Variants in ZNF90 observed in about 807,000 individuals in gnomAD.
ZNF90 encodes the protein zinc finger protein 90.
ZNF90 carries 11 observed loss-of-function variants against 12.0 expected under a neutral mutation model. The observed-to-expected ratio is 0.92, with a 90% CI of 0.58 to 1.52. The LOEUF (loss-of-function observed/expected upper bound fraction) is 1.52. ZNF90 is among the 40% of genes most tolerant of loss of function. ZNF90 has a pLI of 0.00. For missense variants in ZNF90, 765 were observed against 711.5 expected, an observed-to-expected ratio of 1.08 and a Z score of -0.86; for synonymous variants, 232 against 240.1, an observed-to-expected ratio of 0.97 and a Z score of 0.31.
chr19:20,087,134 C>T (rs978671196), intron 1 of ZNF90: 6 of 151,780 alleles, frequency 4.0e-5, no homozygotes, highest in Non-Finnish European at 7.4e-5. Flanking sequence ...TTAAGATCTG[C>T]CTCCTTCATA....
At chr19:20,099,169 A>T (rs2088970554) in intron 1 of ZNF90, among the ~76,000 whole-genome samples, 1 of 152,008 alleles carries the variant, frequency 6.6e-6, no homozygotes, top group Admixed American at 6.6e-5. Context: ...AACAGAAGAA[A>T]TATTATTATG....
At position 20,087,479 on chromosome 19, in the gene ZNF90, G is replaced by A. The variant is rs2088867975; in HGVS notation, c.3+9344G>A. 4 of 152,162 alleles carry A rather than the reference G, an allele frequency of 2.6e-5. No individual in the cohort carries two copies. The South Asian group carries it at 8.3e-4, about 32-fold the overall frequency. The allele number at this position is 152,162 out of a possible 1,614,324, so 9.4% of individuals were successfully genotyped here. On this transcript the variant is annotated intron_variant, in intron 1 of 3. Transcript: ENST00000418063. Reference sequence around the variant, plus strand: ...TCCTTGTCACCATTATAAGTAGAAAGGAGTTGAAACACTGCTCCCATTTCC... The same window carrying A: ...TCCTTGTCACCATTATAAGTAGAAAAGAGTTGAAACACTGCTCCCATTTCC...
intron 1 of ZNF90, among the ~76,000 whole-genome samples, chr19:20,102,931 C>G (rs2122504671): frequency 6.6e-6 from 1 of 152,294 alleles, no homozygotes; most frequent in East Asian, 1.9e-4. Context: ...TAGGAGTTAT[C>G]TGTACTTTGA....
chr19:20,108,852 G>A (rs554540417), intron 3 of ZNF90, among the ~76,000 whole-genome samples: 29 of 146,488 alleles, frequency 2.0e-4, no homozygotes, highest in Admixed American at 2.8e-4. Context: ...TCAGCTTCCC[G>A]AGTAGCTGGG....
chr19:20,084,801 T>A (rs2088846306), intron 1 of ZNF90, among the ~76,000 whole-genome samples: 1 of 152,208 alleles, frequency 6.6e-6, no homozygotes. Flanking sequence ...TTGAAAAGCA[T>A]CTGTTCATAT....
rs782325795 is a variant in ZNF90, at chr19:20,118,212, A to G, written c.658A>G (p.Lys220Glu). The change falls in exon 4 of 4, where the codon AAG becomes GAG. Residue 220 changes from lysine to glutamate, a missense_variant. Transcript: ENST00000418063. ...FNRSSHLTSH[K>E]RIHTGEKRYK... Reference sequence around the variant, plus strand: ...CAGGTCCTCACACCTTACTTCACATAAGAGAATTCATACTGGAGAGAAACG... The same window carrying G: ...CAGGTCCTCACACCTTACTTCACATGAGAGAATTCATACTGGAGAGAAACG... The G allele has an allele frequency of 6.2e-7, 1 of 1,609,300 alleles. No individual in the cohort carries two copies. Among genetic ancestry groups the G allele is most frequent in the Non-Finnish European group, 8.5e-7 (1 of 1,177,466 alleles).
intron 1 of ZNF90, among the ~76,000 whole-genome samples, chr19:20,082,484 T>C (rs1169598270): frequency 6.6e-6 from 1 of 152,212 alleles, no homozygotes; most frequent in Non-Finnish European, 1.5e-5. Flanking sequence ...ACCCTGTGCT[T>C]GCAGGAACAT....
intron 3 of ZNF90, among the ~76,000 whole-genome samples, chr19:20,108,056 CTCTTT>C (rs1465474075): frequency 2.0e-5 from 3 of 152,058 alleles, no homozygotes; most frequent in Non-Finnish European, 2.9e-5. Context: ...TGTAAGTCTA[CTCTTT>C]TCTTCTAAAG....
intron 1 of ZNF90, among the ~76,000 whole-genome samples, chr19:20,078,911 A>C (rs1439833960): frequency 6.6e-6 from 1 of 152,020 alleles, no homozygotes; most frequent in Non-Finnish European, 1.5e-5. Flanking sequence ...TCACGTGGTC[A>C]AATTTCTAGA....
intron 3 of ZNF90, among the ~76,000 whole-genome samples, chr19:20,110,247 C>G (rs1181363765): frequency 6.6e-6 from 1 of 152,008 alleles, no homozygotes; most frequent in Non-Finnish European, 1.5e-5. Flanking sequence ...CATGGATTTT[C>G]AAATATGTTT....
chr19:20,078,060 C>G lies in ZNF90; in HGVS notation c.-73C>G. ...GGTCTTAGCTGCTTCGTGTCTTCTT[C>G]TCCAGCCTCTGTGGCCCTGTGACCT... On this transcript the variant is annotated 5_prime_UTR_variant, in exon 1 of 4. Transcript: ENST00000418063. The G allele has an allele frequency of 3.7e-6, 6 of 1,604,936 alleles. No homozygotes were observed. Among genetic ancestry groups the G allele is most frequent in the Non-Finnish European group, 4.3e-6 (5 of 1,171,702 alleles).
At chr19:20,081,986 GA>G (rs1204326412) in intron 1 of ZNF90, among the ~76,000 whole-genome samples, 2 of 151,530 alleles carry the variant, frequency 1.3e-5, no homozygotes, top group Non-Finnish European at 2.9e-5. Flanking sequence ...GGAGGGTCTC[GA>G]TCTCCTGACC....
chr19:20,113,171 G>GT (rs1165784943), intron 3 of ZNF90, among the ~76,000 whole-genome samples: 1 of 151,356 alleles, frequency 6.6e-6, no homozygotes, highest in Admixed American at 6.6e-5. Flanking sequence ...TGTTGTAACG[G>GT]TTTTTTATTT....
chr19:20,117,634 C>G (rs2089151698), intron 3 of ZNF90, 147 bp from the exon 4 acceptor site: 1 of 1,382,394 alleles, frequency 7.2e-7, no homozygotes, highest in African/African-American at 1.5e-5. Flanking sequence ...TTATCAGAAT[C>G]TAGCAATTGA....
intron 3 of ZNF90, among the ~76,000 whole-genome samples, chr19:20,111,813 A>G (rs1555705149): frequency 1.3e-5 from 2 of 152,232 alleles, no homozygotes; most frequent in African/African-American, 4.8e-5. Flanking sequence ...TTCAGCTTAT[A>G]ATTGATATTA....
chr19:20,102,422 C>T (rs836912), intron 1 of ZNF90, among the ~76,000 whole-genome samples: 39,864 of 152,080 alleles, frequency 0.26, 5,933 homozygotes, highest in East Asian at 0.43. Flanking sequence ...TTAGCTTAGA[C>T]TGTGGTCCAA....
intron 1 of ZNF90, among the ~76,000 whole-genome samples, chr19:20,092,610 C>G (rs1555702834): frequency 6.6e-6 from 1 of 152,100 alleles, no homozygotes; most frequent in African/African-American, 2.4e-5. Context: ...GTTAGGTTGG[C>G]AAAACCAGGT....
intron 3 of ZNF90, among the ~76,000 whole-genome samples, chr19:20,117,378 CTTTCTTTTCT>C (rs148304116): frequency 2.2e-5 from 3 of 136,792 alleles, no homozygotes; most frequent in Non-Finnish European, 4.6e-5. Flanking sequence ...CTTTTTTTTC[CTTTCTTTTCT>C]TTTCTTTTCT....
In ZNF90 at chr19:20,119,623, T is replaced by G. The variant is rs75364786; in HGVS notation, c.*263T>G. 1 of 128,274 alleles carries G rather than the reference T, an allele frequency of 7.8e-6. No individual in the cohort carries two copies. Among genetic ancestry groups the G allele is most frequent in the African/African-American group, 5.5e-5 (1 of 18,318 alleles). The allele number at this position is 128,274 out of a possible 1,614,324, so 7.9% of individuals were successfully genotyped here. A position where few individuals can be genotyped will look rare whatever the true frequency, so the allele number is the denominator to read the frequency against. On this transcript the variant is annotated 3_prime_UTR_variant, in exon 4 of 4. Coordinates refer to ENST00000418063, the MANE Select transcript of ZNF90 (RefSeq NM_007138.2). Reference sequence around the variant, plus strand: ...AAAGCCTATAACAAGTTCTCAATTCTTTTTTTTTTTTTTTAAGAAGGAGTT... The same window carrying G: ...AAAGCCTATAACAAGTTCTCAATTCGTTTTTTTTTTTTTTAAGAAGGAGTT...
Sources: allele counts gnomAD v4.1 joint callset (sites outside exome capture counted in the v4.1 genomes callset), GRCh38; gene constraint gnomAD v4.1.1; transcripts MANE v1.5; gene names NCBI Gene and HGNC (gene_info 2026-07-23, HGNC 2026-07-21).